Variants in HIRA observed in about 807,000 individuals in gnomAD.
HIRA encodes histone cell cycle regulator.
A neutral mutation model predicts 126.6 loss-of-function variants in HIRA; 13 were observed. The observed-to-expected ratio is 0.10, with a 90% CI of 0.07 to 0.16. The LOEUF (loss-of-function observed/expected upper bound fraction) is 0.16, where lower values mean the gene tolerates loss of function less well. Ranked by LOEUF, HIRA falls within the 10% of genes least tolerant of loss-of-function variation. HIRA has a pLI of 1.00. For missense variants in HIRA, 834 were observed against 1,314.4 expected, an observed-to-expected ratio of 0.63 and a Z score of 5.65; for synonymous variants, 511 against 520.0, an observed-to-expected ratio of 0.98 and a Z score of 0.24.
At chr22:19,381,198 AGTTGGTGCTACCTG>A (rs2089070257) in intron 13 of HIRA, among the ~76,000 whole-genome samples, 1 of 152,186 alleles carries the variant, frequency 6.6e-6, no homozygotes, top group African/African-American at 2.4e-5. Context: ...CTCTGAGGGT[AGTTGGTGCTACCTG>A]ACTTCATGTT....
At chr22:19,401,428 G>A (rs764838671) in intron 5 of HIRA, among the ~76,000 whole-genome samples, 12 of 151,964 alleles carry the variant, frequency 7.9e-5, no homozygotes, top group Non-Finnish European at 1.5e-4. Flanking sequence ...TCTTTTTCTG[G>A]TTTCAGCTCT....
intron 1 of HIRA, among the ~76,000 whole-genome samples, chr22:19,423,093 C>CCAAT (rs931308702): frequency 6.6e-6 from 1 of 151,620 alleles, no homozygotes; most frequent in African/African-American, 2.4e-5. Context: ...AGAGCCCTCC[C>CCAAT]CAATAATCCT....
At chr22:19,413,811 C>T (rs531178023) in intron 1 of HIRA, among the ~76,000 whole-genome samples, 109 of 152,080 alleles carry the variant, frequency 7.2e-4, no homozygotes, top group African/African-American at 2.5e-3. Context: ...AGGGTTTCAC[C>T]ATGTTAGCCA....
intron 15 of HIRA, among the ~76,000 whole-genome samples, chr22:19,372,038 C>T (rs1244407326): frequency 1.3e-5 from 2 of 152,160 alleles, no homozygotes; most frequent in Non-Finnish European, 1.5e-5. Flanking sequence ...TGAGGAACTT[C>T]CAGACTGTTT....
chr22:19,392,624 T>A (rs1312155648), intron 8 of HIRA, among the ~76,000 whole-genome samples: 1 of 152,202 alleles, frequency 6.6e-6, no homozygotes, highest in Admixed American at 6.5e-5. Context: ...ACTCACTCCC[T>A]ATCTCCTAAG....
chr22:19,351,993 C>T lies in HIRA; in HGVS notation c.2849-547G>A, dbSNP rs1327193085. Reference sequence around the variant, plus strand: ...CTGGAGGTAGAGTGTCGGGGTTTGTCAGCACTTGGGGCAGCTAAAGCAATA... The same window carrying T: ...CTGGAGGTAGAGTGTCGGGGTTTGTTAGCACTTGGGGCAGCTAAAGCAATA... On this transcript the variant is annotated intron_variant, in intron 23 of 24. Transcript: ENST00000263208. The surrounding 1 kb of genome is among the most constrained non-coding windows in gnomAD (Gnocchi z 4.8). Among the ~76,000 whole-genome samples the T allele has an allele frequency of 6.6e-5, 10 of 152,086 alleles. No homozygotes were observed. The East Asian group carries it at 1.7e-3, about 27-fold the overall frequency.
intron 1 of HIRA, among the ~76,000 whole-genome samples, chr22:19,428,300 A>G (rs1329951137): frequency 6.6e-6 from 1 of 152,164 alleles, no homozygotes; most frequent in Non-Finnish European, 1.5e-5. Context: ...GACTGGAGAT[A>G]TTTTTGGTTG....
At chr22:19,340,822 G>C (rs1441558320) in intron 24 of HIRA, among the ~76,000 whole-genome samples, 1 of 152,142 alleles carries the variant, frequency 6.6e-6, no homozygotes, top group African/African-American at 2.4e-5. Flanking sequence ...GGATGTGAAA[G>C]ATCTCTACAA....
Position 19,361,987 on chromosome 22 carries a change from G to A in HIRA, c.1776-56C>T, listed in dbSNP as rs2088868568. ...TCAGAAACCATTCATGCAAGAAAGA[G>A]TGAAGTGAAATATTTAAAGTGCTTA... On this transcript the variant is annotated intron_variant, in intron 15 of 24. Coordinates refer to ENST00000263208, the MANE Select transcript of HIRA (RefSeq NM_003325.4). 3.9e-6 allele frequency: 6 copies of A among 1,550,858 alleles called. No individual in the cohort carries two copies. In the East Asian group the frequency reaches 6.7e-5, roughly 17 times the overall value.
intron 3 of HIRA, among the ~76,000 whole-genome samples, chr22:19,408,205 G>C (rs950378308): frequency 6.6e-6 from 1 of 152,138 alleles, no homozygotes; most frequent in African/African-American, 2.4e-5. Flanking sequence ...ACTGTGTCCA[G>C]GTCGCTGGCC....
At chr22:19,359,066 C>G (rs1556013532) in intron 18 of HIRA, among the ~76,000 whole-genome samples, 1 of 152,196 alleles carries the variant, frequency 6.6e-6, no homozygotes, top group Non-Finnish European at 1.5e-5. Flanking sequence ...ACAAGGGAAT[C>G]AGGCCATCAG....
chr22:19,348,198 TAG>T (rs2088709645), intron 24 of HIRA, among the ~76,000 whole-genome samples: 1 of 152,188 alleles, frequency 6.6e-6, no homozygotes. Context: ...CAGAAGCAAA[TAG>T]AAGTGTTCTG....
intron 1 of HIRA, among the ~76,000 whole-genome samples, chr22:19,415,963 G>A (rs2089393358): frequency 6.6e-6 from 1 of 152,140 alleles, no homozygotes; most frequent in Non-Finnish European, 1.5e-5. Context: ...ACAAAGTTGA[G>A]GATCTCGCAT....
At chr22:19,379,992 T>G (rs1360595876) in intron 13 of HIRA, among the ~76,000 whole-genome samples, 1 of 151,730 alleles carries the variant, frequency 6.6e-6, no homozygotes, top group Non-Finnish European at 1.5e-5. Context: ...TATTTTTTAG[T>G]AGAGACGGGG....
intron 13 of HIRA, among the ~76,000 whole-genome samples, chr22:19,381,733 T>C (rs1256224817): frequency 6.6e-6 from 1 of 152,204 alleles, no homozygotes; most frequent in Non-Finnish European, 1.5e-5. Context: ...ATCTTGAATT[T>C]ATTATGTTTT....
rs117808065 is a variant in HIRA, at chr22:19,429,553, A to G, written c.37+1887T>C. ...GCATACTATGAAGTGGTTAGAGTAG[A>G]TATTATCATGCTCCATTCTAGGGCT... is the stretch of plus-strand genomic sequence containing the variant. On this transcript the variant is annotated intron_variant, in intron 1 of 24. Coordinates refer to ENST00000263208, the MANE Select transcript of HIRA (RefSeq NM_003325.4). Among the ~76,000 whole-genome samples, 293 of 152,288 alleles carry G rather than the reference A, an allele frequency of 1.9e-3. 1 individual carries two copies. Among genetic ancestry groups the G allele is most frequent in the Non-Finnish European group, 3.0e-3 (207 of 68,028 alleles).
intron 23 of HIRA, 84 bp downstream of exon 23, chr22:19,353,272 C>T: frequency 3.9e-6 from 6 of 1,541,442 alleles, no homozygotes; most frequent in Non-Finnish European, 5.3e-6. Flanking sequence ...CACATCTTTT[C>T]CCTGATTTCA....
At chr22:19,353,755 G>C (rs1485864401) in intron 22 of HIRA, among the ~76,000 whole-genome samples, 1 of 152,186 alleles carries the variant, frequency 6.6e-6, no homozygotes, top group Non-Finnish European at 1.5e-5. Context: ...CTGCCATCTG[G>C]GCCCCTGAAG....
intron 24 of HIRA, among the ~76,000 whole-genome samples, chr22:19,343,179 A>C (rs2088650112): frequency 6.6e-6 from 1 of 152,126 alleles, no homozygotes; most frequent in African/African-American, 2.4e-5. Context: ...CTAAAATGTC[A>C]AAAAAAGAAA....
Sources: gnomAD v4.1 joint callset for allele counts (sites outside exome capture counted in the v4.1 genomes callset) on GRCh38, gnomAD v4.1.1 for gene constraint, Gnocchi (gnomAD v3.1) non-coding constraint, MANE v1.5 for transcripts, NCBI Gene and HGNC (gene_info 2026-07-23, HGNC 2026-07-21) for gene names.